GAPVD1: variants seen among roughly 807,000 people sequenced by gnomAD.
GAPVD1 encodes the protein GTPase activating protein and VPS9 domains 1.
In GAPVD1, 35 loss-of-function variants were observed where a neutral mutation model predicts 155.5. The observed-to-expected ratio is 0.23, with a 90% CI of 0.17 to 0.30. The LOEUF is 0.30. Among genes scored for constraint, GAPVD1 ranks in the 10% least tolerant of loss-of-function variants. The pLI is 1.00. For synonymous variants in GAPVD1, 636 were observed against 619.7 expected (o/e 1.03, Z -0.39); for missense variants, 1,429 against 1,775.7 (o/e 0.80, Z 3.51).
At chr9:125,309,488 C>T (rs1368553334) in intron 8 of GAPVD1, among the ~76,000 whole-genome samples, 1 of 152,122 alleles carries the variant, frequency 6.6e-6, no homozygotes. Flanking sequence ...ATGCCCACCA[C>T]CACGCCCGGC....
intron 24 of GAPVD1, 52 bp from the exon 25 acceptor site, chr9:125,355,589 AATT>A: frequency 9.3e-7 from 1 of 1,072,278 alleles, no homozygotes; most frequent in Non-Finnish European, 1.4e-6. Flanking sequence ...TCCTTTTTAA[AATT>A]ATTTAGATAG....
chr9:125,293,829 A>AT (rs1482450910), intron 2 of GAPVD1, among the ~76,000 whole-genome samples: 1 of 120,890 alleles, frequency 8.3e-6, no homozygotes, highest in African/African-American at 3.2e-5. Context: ...AAATATAAAA[A>AT]AATATATATA....
chr9:125,328,843 C>A (rs560399487), intron 12 of GAPVD1, among the ~76,000 whole-genome samples: 10 of 148,622 alleles, frequency 6.7e-5, no homozygotes, highest in South Asian at 4.3e-4. Context: ...ACCCCCCCCC[C>A]ACCTCCCTCC....
At chr9:125,279,052 A>T (rs1028099931) in intron 2 of GAPVD1, among the ~76,000 whole-genome samples, 1 of 151,644 alleles carries the variant, frequency 6.6e-6, no homozygotes, top group Non-Finnish European at 1.5e-5. Flanking sequence ...TATCTACTGA[A>T]AATACAGAAA....
chr9:125,277,528 A>G (rs899451251), intron 2 of GAPVD1, among the ~76,000 whole-genome samples: 1 of 152,190 alleles, frequency 6.6e-6, no homozygotes, highest in African/African-American at 2.4e-5. Flanking sequence ...TATATTGTGT[A>G]TCCTTCAGTA....
At chr9:125,354,594 T>C in intron 23 of GAPVD1, 60 bp from the exon 24 acceptor site, 1 of 1,117,618 alleles carries the variant, frequency 8.9e-7, no homozygotes, top group Non-Finnish European at 1.3e-6. Context: ...GGACCCTTAT[T>C]CTTCAAAGAG....
At chr9:125,329,112 G>GGGGAGAGGGAGA (rs372681640) in intron 12 of GAPVD1, among the ~76,000 whole-genome samples, 10 of 152,158 alleles carry the variant, frequency 6.6e-5, no homozygotes, top group African/African-American at 2.4e-4. Context: ...GGGAGACCGT[G>GGGGAGAGGGAGA]GGGAGAGGGA....
intron 2 of GAPVD1, among the ~76,000 whole-genome samples, chr9:125,286,917 C>G (rs1837795340): frequency 6.6e-6 from 1 of 151,954 alleles, no homozygotes; most frequent in South Asian, 2.1e-4. Flanking sequence ...AACCCCGTCT[C>G]TACTAAAAAT....
intron 3 of GAPVD1, among the ~76,000 whole-genome samples, chr9:125,298,179 G>A (rs866312224): frequency 1.3e-5 from 2 of 152,164 alleles, no homozygotes; most frequent in Non-Finnish European, 2.9e-5. Flanking sequence ...AGCAATGGAG[G>A]GGGGAATAAG....
At chr9:125,307,640 A>G (rs1322819817) in intron 7 of GAPVD1, 51 bp from the exon 8 acceptor site, 2 of 1,545,398 alleles carry the variant, frequency 1.3e-6, no homozygotes, top group Non-Finnish European at 1.8e-6. Context: ...GGAAATACAT[A>G]TTGTATTTGA....
chr9:125,349,276 A>G (rs574973649), intron 20 of GAPVD1, 114 bp from the exon 21 acceptor site: 10 of 819,070 alleles, frequency 1.2e-5, no homozygotes, highest in Admixed American at 9.9e-5. Flanking sequence ...TTTCCAGAGA[A>G]CTCTTATTAT....
intron 2 of GAPVD1, among the ~76,000 whole-genome samples, chr9:125,272,420 T>C (rs1011981014): frequency 6.6e-6 from 1 of 152,206 alleles, no homozygotes; most frequent in African/African-American, 2.4e-5. Flanking sequence ...CAAAGTCCTT[T>C]TAATATCTAA....
intron 2 of GAPVD1, among the ~76,000 whole-genome samples, chr9:125,285,447 T>G (rs1837498239): frequency 6.9e-6 from 1 of 144,254 alleles, no homozygotes; most frequent in Non-Finnish European, 1.5e-5. Context: ...TATTTCTTTT[T>G]TCTTTGTTTT....
In GAPVD1 at chr9:125,302,486, A is replaced by G; in HGVS notation, c.689A>G (p.Gln230Arg). 1 of 1,613,850 alleles carries G rather than the reference A, an allele frequency of 6.2e-7. No individual in the cohort carries two copies. Among genetic ancestry groups the G allele is most frequent in the Non-Finnish European group, 8.5e-7 (1 of 1,179,980 alleles). The stretch of plus-strand genomic sequence containing the variant: ...CTAATTGAGAGGTTCTCTCCATCTC[A>G]GCAGGAAAAACTCTTTGGAGAGAAG... ...NKLIERFSPS[Q>R]QEKLFGEKGS... is the part of the protein sequence containing the mutation. The change falls in exon 5 of 28, where the codon CAG (glutamine) becomes CGG (arginine). Residue 230 changes from glutamine to arginine, a missense_variant. Physicochemically the swap from Gln to Arg is conservative, Grantham distance 43 (BLOSUM62 1). Coordinates refer to ENST00000297933, the MANE Select transcript of GAPVD1 (RefSeq NM_001282680.3).
At chr9:125,327,169 T>C (rs1287059169) in intron 12 of GAPVD1, among the ~76,000 whole-genome samples, 9 of 152,164 alleles carry the variant, frequency 5.9e-5, no homozygotes, top group South Asian at 2.1e-4. Flanking sequence ...CTTGAACTAA[T>C]GAGCTCAAGT....
At chr9:125,264,041 A>C in intron 1 of GAPVD1, 1 of 1,095,680 alleles carries the variant, frequency 9.1e-7, no homozygotes, top group Admixed American at 1.7e-5. Flanking sequence ...CTTCTTGGCC[A>C]CCATGACTCC....
intron 12 of GAPVD1, among the ~76,000 whole-genome samples, chr9:125,328,968 C>T (rs1249307215): frequency 6.6e-6 from 1 of 152,222 alleles, no homozygotes; most frequent in Non-Finnish European, 1.5e-5. Context: ...CCCGTCTCCA[C>T]CAAAACCAGT....
intron 2 of GAPVD1, among the ~76,000 whole-genome samples, chr9:125,278,764 C>T (rs1364093460): frequency 4.1e-5 from 6 of 147,610 alleles, no homozygotes; most frequent in African/African-American, 1.5e-4. Flanking sequence ...GAGCTTGGGA[C>T]ATCAAGGCTG....
At chr9:125,269,605 A>G (rs1834546142) in intron 2 of GAPVD1, among the ~76,000 whole-genome samples, 1 of 144,588 alleles carries the variant, frequency 6.9e-6, no homozygotes, top group Middle Eastern at 3.9e-3. Flanking sequence ...TTATATTTTT[A>G]GTAGAGACAA....
Sources: gnomAD v4.1 joint callset for allele counts (sites outside exome capture counted in the v4.1 genomes callset) on GRCh38, gnomAD v4.1.1 for gene constraint, MANE v1.5 for transcripts, NCBI Gene and HGNC (gene_info 2026-07-23, HGNC 2026-07-21) for gene names.